Variants in SLIT3 observed in about 807,000 individuals in gnomAD.
SLIT3 encodes slit guidance ligand 3, also known as slit homolog 3 protein.
SLIT3 carries 68 observed loss-of-function variants against 184.0 expected under a neutral mutation model. The observed-to-expected ratio is 0.37, with a 90% CI of 0.30 to 0.45. The LOEUF (loss-of-function observed/expected upper bound fraction) is 0.45. SLIT3 is among the 20% of genes least tolerant of loss of function. The probability of loss-of-function intolerance (pLI) is 1.00; values close to 1 mark genes in which losing one functional copy is unlikely to be tolerated. For synonymous variants in SLIT3, 831 were observed against 828.6 expected (o/e 1.00, Z -0.05); for missense variants, 1,707 against 2,026.0 (o/e 0.84, Z 3.02).
At chr5:168,679,984 C>T (rs1431599085) in intron 32 of SLIT3, among the ~76,000 whole-genome samples, 3 of 152,162 alleles carry the variant, frequency 2.0e-5, no homozygotes, top group African/African-American at 7.2e-5. Flanking sequence ...AAGAGCACAC[C>T]CACGCGGTGT....
intron 12 of SLIT3, among the ~76,000 whole-genome samples, chr5:168,776,289 T>C (rs1352508466): frequency 1.3e-5 from 2 of 152,170 alleles, no homozygotes; most frequent in African/African-American, 4.8e-5. Flanking sequence ...GCTGTGGCAG[T>C]GACAAGTGGA....
At chr5:168,741,314 A>T (rs1428995941) in intron 20 of SLIT3, among the ~76,000 whole-genome samples, 1 of 151,930 alleles carries the variant, frequency 6.6e-6, no homozygotes, top group Non-Finnish European at 1.5e-5. Flanking sequence ...ACTAAAAAAT[A>T]CAAAAAATTA....
chr5:168,820,553 C>T (rs184785364), intron 7 of SLIT3, among the ~76,000 whole-genome samples: 9 of 152,264 alleles, frequency 5.9e-5, no homozygotes, highest in East Asian at 3.9e-4. Context: ...CTGTTAATTA[C>T]GACTGACAGG....
At chr5:169,103,453 T>TG (rs760380837) in intron 4 of SLIT3, among the ~76,000 whole-genome samples, 5 of 152,236 alleles carry the variant, frequency 3.3e-5, no homozygotes, top group Non-Finnish European at 5.9e-5. Context: ...GCTGTGCTCC[T>TG]GGTTGCAATG....
rs113367267 is a variant in SLIT3, at chr5:169,049,851, G to A, written c.413+143628C>T. ...CTGTAGTTCCCAGGGTGGGTTTGTGGTATTGTTTTTATTTGCTGTTGTTGG... is the reference window on the plus strand; with the variant it reads ...CTGTAGTTCCCAGGGTGGGTTTGTGATATTGTTTTTATTTGCTGTTGTTGG... On this transcript the variant is annotated intron_variant, in intron 4 of 35. Coordinates refer to ENST00000519560, the MANE Select transcript of SLIT3 (RefSeq NM_003062.4). Among the ~76,000 whole-genome samples the A allele has an allele frequency of 1.4e-3, 215 of 152,260 alleles. 1 individual carries two copies. Among genetic ancestry groups the A allele is most frequent in the African/African-American group, 4.8e-3 (200 of 41,532 alleles).
intron 6 of SLIT3, among the ~76,000 whole-genome samples, chr5:168,831,741 T>C (rs1018601703): frequency 6.6e-6 from 1 of 152,208 alleles, no homozygotes; most frequent in African/African-American, 2.4e-5. Flanking sequence ...ATGTAAAACC[T>C]ACAGAAATAA....
In SLIT3 at chr5:168,712,345, A is replaced by C. The variant is rs768488958; in HGVS notation, c.2493T>G (p.His831Gln). 12 of 1,614,070 alleles carry C rather than the reference A, an allele frequency of 7.4e-6. No homozygotes were observed. The East Asian group carries it at 2.5e-4, about 33-fold the overall frequency. Reference sequence around the variant, plus strand: ...CAGGAACGCTGGAAATGTCATTGCCATGGAGGGTTCTGAAGCAGAGGGCAC... The same window carrying C: ...CAGGAACGCTGGAAATGTCATTGCCCTGGAGGGTTCTGAAGCAGAGGGCAC... The part of the protein sequence containing the change: ...GLRSLRVLTL[H>Q]GNDISSVPEG... The change falls in exon 24 of 36, where the codon CAT (histidine) becomes CAG (glutamine). Residue 831 changes from histidine to glutamine, a missense_variant. Around this residue, in one of 3 missense-constraint regions of SLIT3, gnomAD observed 1,307 missense variants for 1,511.6 expected, o/e 0.86. Transcript: ENST00000519560.
At chr5:168,954,258 G>C (rs1031396720) in intron 4 of SLIT3, among the ~76,000 whole-genome samples, 1 of 152,100 alleles carries the variant, frequency 6.6e-6, no homozygotes, top group Admixed American at 6.5e-5. Flanking sequence ...TCGGGCTGGA[G>C]GAGGGGAGCA....
intron 5 of SLIT3, among the ~76,000 whole-genome samples, chr5:168,858,364 T>C (rs1198970820): frequency 1.3e-5 from 2 of 152,244 alleles, no homozygotes; most frequent in Non-Finnish European, 2.9e-5. Context: ...TCAGAAATGA[T>C]CTTTGGACTT....
chr5:169,198,934 A>AAAAC (rs36159435), intron 3 of SLIT3, among the ~76,000 whole-genome samples: 43,840 of 148,768 alleles, frequency 0.29, 7,450 homozygotes, highest in East Asian at 0.68. Context: ...TCCAACTCAA[A>AAAAC]AAACAAACAA....
chr5:169,297,028 C>T (rs1439539565), intron 1 of SLIT3, among the ~76,000 whole-genome samples: 2 of 152,186 alleles, frequency 1.3e-5, no homozygotes, highest in Admixed American at 1.3e-4. Flanking sequence ...AGAAGAATTA[C>T]ATCTGTGGGC....
At chr5:168,879,853 A>G (rs1401979662) in intron 5 of SLIT3, among the ~76,000 whole-genome samples, 11 of 152,212 alleles carry the variant, frequency 7.2e-5, no homozygotes, top group Admixed American at 7.2e-4. Context: ...TGTGAAGTGG[A>G]AGCTCCAAGA....
chr5:168,745,827 G>A (rs1763781559), intron 20 of SLIT3, among the ~76,000 whole-genome samples: 1 of 152,114 alleles, frequency 6.6e-6, no homozygotes, highest in Admixed American at 6.5e-5. Context: ...CCTCACTACT[G>A]TCTTATTTTA....
chr5:169,052,988 T>C (rs1202239214), intron 4 of SLIT3, among the ~76,000 whole-genome samples: 1 of 152,192 alleles, frequency 6.6e-6, no homozygotes, highest in Admixed American at 6.5e-5. Flanking sequence ...ACATTTGGTC[T>C]GGACATCAAA....
At chr5:169,141,914 G>A (rs1412815374) in intron 4 of SLIT3, among the ~76,000 whole-genome samples, 1 of 151,012 alleles carries the variant, frequency 6.6e-6, no homozygotes, top group Non-Finnish European at 1.5e-5. Context: ...GCTGGGCGTG[G>A]TAGCGCATGC....
intron 1 of SLIT3, among the ~76,000 whole-genome samples, chr5:169,269,044 G>A (rs549658451): frequency 1.9e-4 from 29 of 152,296 alleles, no homozygotes; most frequent in African/African-American, 6.3e-4. Flanking sequence ...TATTATCCAC[G>A]GAGTAATGAT....
intron 4 of SLIT3, among the ~76,000 whole-genome samples, chr5:169,015,931 AACACACAC>A (rs3138760): frequency 0.033 from 3,990 of 120,306 alleles, 79 homozygotes; most frequent in South Asian, 0.046. Flanking sequence ...GAAAAATATA[AACACACAC>A]ACACACACAC....
At position 168,867,444 on chromosome 5, in the gene SLIT3, A is replaced by C. The variant is rs56804709; in HGVS notation, c.485+15821T>G. On this transcript the variant is annotated intron_variant, in intron 5 of 35. Transcript: ENST00000519560. ...AAATAAACAATGATGAGTCAAGCTA[A>C]AGAATGTGTTGGTCCCTCGGTATTT... 9.2e-3 allele frequency among the ~76,000 whole-genome samples: 1,407 copies of C among 152,292 alleles called. 23 individuals carry two copies. Among genetic ancestry groups the C allele is most frequent in the African/African-American group, 0.032 (1,325 of 41,560 alleles).
intron 24 of SLIT3, 94 bp downstream of exon 24, chr5:168,712,189 C>G (rs948759683): frequency 3.8e-6 from 4 of 1,063,946 alleles, no homozygotes; most frequent in Admixed American, 1.7e-5. Flanking sequence ...AAGGAAAGGA[C>G]ATCTGCCAAA....
Sources: gnomAD v4.1 joint callset for allele counts (sites outside exome capture counted in the v4.1 genomes callset) on GRCh38, gnomAD v4.1.1 for gene constraint, gnomAD v4.1.1 regional missense constraint, MANE v1.5 for transcripts, NCBI Gene and HGNC (gene_info 2026-07-23, HGNC 2026-07-21) for gene names.